The following SLC30A9 variants were observed in gnomAD, a reference collection of about 807,000 sequenced individuals.
SLC30A9 encodes solute carrier family 30 member 9, also known as proton-coupled zinc antiporter SLC30A9, mitochondrial.
Under a neutral mutation model 87.5 loss-of-function variants are expected in SLC30A9, and 58 were observed. The ratio of observed to expected loss-of-function variants is 0.66; its 90% CI spans 0.54 to 0.82. The LOEUF is 0.82. Ranked by LOEUF, SLC30A9 falls within the 40% of genes least tolerant of loss-of-function variation. The pLI, the probability that SLC30A9 is intolerant of heterozygous loss-of-function variation, is 0.00. For missense variants in SLC30A9, 557 were observed against 679.1 expected, an observed-to-expected ratio of 0.82 and a Z score of 2.00; for synonymous variants, 234 against 233.0, an observed-to-expected ratio of 1.00 and a Z score of -0.04.
At chr4:42,018,011 G>A (rs903541314) in intron 2 of SLC30A9, 100 bp from the exon 3 acceptor site, 36 of 646,558 alleles carry the variant, frequency 5.6e-5, no homozygotes, top group Non-Finnish European at 7.7e-5. Context: ...ATACATTGTC[G>A]TTTTTATGCA....
chr4:42,077,105 C>T (rs972206347), intron 16 of SLC30A9, among the ~76,000 whole-genome samples: 2 of 152,156 alleles, frequency 1.3e-5, no homozygotes, highest in African/African-American at 4.8e-5. Flanking sequence ...TACTTACCTT[C>T]AGCTTGCCTA....
intron 2 of SLC30A9, among the ~76,000 whole-genome samples, chr4:42,017,650 G>T (rs1038133028): frequency 9.2e-5 from 14 of 151,930 alleles, no homozygotes; most frequent in Non-Finnish European, 1.9e-4. Context: ...TTGTACAGTT[G>T]TCCCAGTCCC....
rs968248188 is a variant in SLC30A9, at chr4:42,090,369, ATC to A, written c.*4245_*4246del. 12 of 152,300 alleles carry A rather than the reference ATC, an allele frequency of 7.9e-5. No homozygotes were observed. Among genetic ancestry groups the A allele is most frequent in the Non-Finnish European group, 1.8e-4 (12 of 68,016 alleles). 9.4% of individuals were successfully genotyped at this position (152,300 alleles called of 1,614,324 possible). On this transcript the variant is annotated 3_prime_UTR_variant, in exon 18 of 18. Coordinates refer to ENST00000264451, the MANE Select transcript of SLC30A9 (RefSeq NM_006345.4). The stretch of plus-strand genomic sequence containing the variant: ...ATTTTTATTCGTTATATTGTATTTC[ATC>A]TGTCTGATTTCCCTGGCACATTAAG...
At chr4:42,040,795 CAA>C (rs755795146) in intron 8 of SLC30A9, among the ~76,000 whole-genome samples, 6 of 8,374 alleles carry the variant, frequency 7.2e-4, no homozygotes, top group African/African-American at 1.6e-3. Context: ...GACTCTGTCT[CAA>C]AAAAAAAAAA....
At chr4:42,050,670 A>G (rs1259748648) in intron 9 of SLC30A9, among the ~76,000 whole-genome samples, 12 of 152,230 alleles carry the variant, frequency 7.9e-5, no homozygotes, top group Non-Finnish European at 1.8e-4. Flanking sequence ...GCTTTCACCC[A>G]TGACAGACTA....
chr4:42,000,657 C>T (rs1169688364), intron 1 of SLC30A9, among the ~76,000 whole-genome samples: 1 of 151,960 alleles, frequency 6.6e-6, no homozygotes, highest in African/African-American at 2.4e-5. Flanking sequence ...ATTTATGTTC[C>T]TGATGAATTC....
At chr4:42,067,692 C>T (rs929506726) in intron 14 of SLC30A9, among the ~76,000 whole-genome samples, 3 of 152,310 alleles carry the variant, frequency 2.0e-5, no homozygotes, top group Admixed American at 1.3e-4. Flanking sequence ...GTGGAGTTTG[C>T]TCATTCTCCT....
chr4:42,010,279 CCTGGGTAA>C (rs1276391192), intron 2 of SLC30A9, among the ~76,000 whole-genome samples: 2 of 152,048 alleles, frequency 1.3e-5, no homozygotes, highest in Non-Finnish European at 2.9e-5. Context: ...TTGAGACCAG[CCTGGGTAA>C]CATGGGGAGG....
intron 8 of SLC30A9, among the ~76,000 whole-genome samples, chr4:42,046,608 C>T (rs574147808): frequency 6.6e-6 from 1 of 152,262 alleles, no homozygotes; most frequent in East Asian, 1.9e-4. Flanking sequence ...AAAAACATTC[C>T]ATGCTCGTGG....
chr4:42,057,158 A>T (rs1170462000), intron 9 of SLC30A9, among the ~76,000 whole-genome samples: 1 of 152,078 alleles, frequency 6.6e-6, no homozygotes, highest in African/African-American at 2.4e-5. Flanking sequence ...CTGTCAGTGG[A>T]TCTATCATTC....
chr4:42,007,131 G>A lies in SLC30A9; in HGVS notation c.274+5351G>A, dbSNP rs566061690. Among the ~76,000 whole-genome samples, 6 of 152,150 alleles carry A rather than the reference G, an allele frequency of 3.9e-5. No individual in the cohort carries two copies. The South Asian group carries it at 1.2e-3, about 32-fold the overall frequency. On this transcript the variant is annotated intron_variant, in intron 2 of 17. Coordinates refer to ENST00000264451, the MANE Select transcript of SLC30A9 (RefSeq NM_006345.4). ...TAGTACAAATGAAGGTCTGGAGTAG[G>A]GTAATAATAATGCTTTTTTTTAAAG...
At chr4:42,083,993 TC>T (rs1718830264) in intron 17 of SLC30A9, among the ~76,000 whole-genome samples, 1 of 152,170 alleles carries the variant, frequency 6.6e-6, no homozygotes, top group Non-Finnish European at 1.5e-5. Context: ...GGAGCAAAAC[TC>T]CAATATTCTG....
chr4:42,066,621 G>GGTAT lies in SLC30A9; in HGVS notation c.1144+5_1144+8dup. ...TAAAGGAATGTCATTTTACAAGTATGGTATGTATTTTAGAAACCAAGTGTT... is the reference window on the plus strand; with the variant it reads ...TAAAGGAATGTCATTTTACAAGTATGGTATGTATGTATTTTAGAAACCAAGTGTT... On this transcript the variant is annotated frameshift_variant and splice_region_variant. Transcript: ENST00000264451. LOFTEE classifies it high-confidence loss of function. 1 of 1,599,410 alleles carries GGTAT rather than the reference G, an allele frequency of 6.3e-7. No individual in the cohort carries two copies. The highest frequency in any genetic ancestry group is 1.7e-5 in the Admixed American group (1 of 59,172).
intron 12 of SLC30A9, among the ~76,000 whole-genome samples, chr4:42,065,616 C>G (rs971152974): frequency 6.6e-6 from 1 of 152,166 alleles, no homozygotes; most frequent in African/African-American, 2.4e-5. Flanking sequence ...TCCTGAGCTG[C>G]TAGGATAGGC....
intron 9 of SLC30A9, among the ~76,000 whole-genome samples, chr4:42,059,602 AGTT>A (rs1717763469): frequency 3.3e-5 from 5 of 152,242 alleles, no homozygotes; most frequent in South Asian, 2.1e-4. Flanking sequence ...TATTGTTTAA[AGTT>A]GTTATTATCT....
chr4:42,044,266 A>G (rs1032791160), intron 8 of SLC30A9, among the ~76,000 whole-genome samples: 2 of 152,030 alleles, frequency 1.3e-5, no homozygotes, highest in Non-Finnish European at 2.9e-5. Flanking sequence ...CAGACTGGCA[A>G]ATTGGATAAA....
intron 9 of SLC30A9, among the ~76,000 whole-genome samples, chr4:42,051,143 G>T (rs1196414191): frequency 6.6e-6 from 1 of 152,168 alleles, no homozygotes; most frequent in Admixed American, 6.6e-5. Flanking sequence ...ACGTAAGAGA[G>T]TTCTCATTGA....
At chr4:42,082,414 T>C (rs1718774457) in intron 17 of SLC30A9, among the ~76,000 whole-genome samples, 1 of 152,216 alleles carries the variant, frequency 6.6e-6, no homozygotes. Context: ...CCTTCATTTT[T>C]AGTATCTCAG....
Position 42,086,260 on chromosome 4 carries a change from T to C in SLC30A9, c.*134T>C, listed in dbSNP as rs935048640. 5 of 464,678 alleles carry C rather than the reference T, an allele frequency of 1.1e-5. No individual in the cohort carries two copies. The highest frequency in any genetic ancestry group is 1.1e-4 in the Admixed American group (3 of 27,914). 28.8% of individuals were successfully genotyped at this position (464,678 alleles called of 1,614,324 possible). On this transcript the variant is annotated 3_prime_UTR_variant, in exon 18 of 18. Transcript: ENST00000264451. The stretch of plus-strand genomic sequence containing the variant: ...CCTTTTTTTTAAGATGAAGGAAATA[T>C]TTTATGTAAAGAGCAACTCAGCAGG...
Sources: gnomAD v4.1 joint callset for allele counts (sites outside exome capture counted in the v4.1 genomes callset) on GRCh38, gnomAD v4.1.1 for gene constraint, MANE v1.5 for transcripts, NCBI Gene and HGNC (gene_info 2026-07-23, HGNC 2026-07-21) for gene names.